MAP4: variants seen among roughly 807,000 people sequenced by gnomAD.
The protein encoded by MAP4 is microtubule associated protein 4.
MAP4 carries 76 observed loss-of-function variants against 170.2 expected under a neutral mutation model. The observed-to-expected ratio is 0.45, with a 90% confidence interval of 0.37 to 0.54. MAP4 has a LOEUF of 0.54. Among genes scored for constraint, MAP4 ranks in the 20% least tolerant of loss-of-function variants. The pLI is 0.00. For missense variants in MAP4, 2,506 were observed against 2,748.0 expected (o/e 0.91, Z 1.97); for synonymous variants, 909 against 994.5 (o/e 0.91, Z 1.62).
At chr3:48,034,810 C>T (rs1168216211) in intron 1 of MAP4, among the ~76,000 whole-genome samples, 2 of 151,906 alleles carry the variant, frequency 1.3e-5, no homozygotes, top group African/African-American at 4.8e-5. Context: ...TCCAGGAGTT[C>T]AAGACCAGCC....
chr3:48,018,099 G>A (rs983046128), upstream of MAP4, among the ~76,000 whole-genome samples: 10 of 152,178 alleles, frequency 6.6e-5, no homozygotes, highest in African/African-American at 1.9e-4. Flanking sequence ...CACACTTATC[G>A]CAAAGTTAAT....
intron 15 of MAP4, among the ~76,000 whole-genome samples, chr3:47,870,494 T>C (rs2089643406): frequency 6.6e-6 from 1 of 152,192 alleles, no homozygotes; most frequent in Admixed American, 6.5e-5. Flanking sequence ...TCTCTCTCAC[T>C]TGCAGAGTCT....
rs775670753 is a variant in MAP4 at position 47,918,846 on chromosome 3, T to C, written c.530-5A>G. 5 of 1,609,154 alleles carry C rather than the reference T, an allele frequency of 3.1e-6. No individual in the cohort carries two copies. Among genetic ancestry groups the C allele is most frequent in the South Asian group, 1.1e-5 (1 of 90,682 alleles). ...CTGTGTTGCAGGGAGACATACCTAA[T>C]ATTGAAACACAAACAAATACATTTT... On this transcript the variant is annotated splice_region_variant and splice_polypyrimidine_tract_variant and intron_variant, in intron 5 of 20. Coordinates refer to ENST00000683076, the MANE Select transcript of MAP4 (RefSeq NM_001385682.1).
At chr3:48,073,526 G>A (rs1330887496) in intron 1 of MAP4, among the ~76,000 whole-genome samples, 3 of 151,332 alleles carry the variant, frequency 2.0e-5, no homozygotes, top group African/African-American at 2.4e-5. Context: ...CAGGAGAATC[G>A]CTTGAACCCA....
intron 1 of MAP4, among the ~76,000 whole-genome samples, chr3:48,053,750 T>C (rs564156630): frequency 2.6e-4 from 40 of 152,282 alleles, no homozygotes; most frequent in Admixed American, 9.8e-4. Context: ...ATCTCCAGAA[T>C]GTGCACATTA....
At chr3:48,006,593 T>C (rs562047197) in intron 1 of MAP4, among the ~76,000 whole-genome samples, 2 of 152,242 alleles carry the variant, frequency 1.3e-5, no homozygotes, top group Admixed American at 6.5e-5. Flanking sequence ...AGGGCTATCA[T>C]GGTGGGAAAG....
intron 17 of MAP4, 104 bp downstream of exon 17, chr3:47,867,142 C>G (rs1304936319): frequency 6.4e-6 from 5 of 780,498 alleles, no homozygotes; most frequent in Non-Finnish European, 1.1e-5. Flanking sequence ...AACGCTACAG[C>G]TCAGGTCACT....
At chr3:48,033,412 G>C (rs2100117179) in intron 1 of MAP4, among the ~76,000 whole-genome samples, 1 of 152,064 alleles carries the variant, frequency 6.6e-6, no homozygotes, top group Non-Finnish European at 1.5e-5. Flanking sequence ...TGTGAAAGTT[G>C]AAGCCCTGGT....
chr3:47,954,869 A>G (rs2100066730), intron 3 of MAP4, among the ~76,000 whole-genome samples: 1 of 152,172 alleles, frequency 6.6e-6, no homozygotes, highest in Non-Finnish European at 1.5e-5. Flanking sequence ...GAACAGACAT[A>G]CTTGACTATT....
upstream of MAP4, among the ~76,000 whole-genome samples, chr3:48,020,005 T>C (rs1336738101): frequency 6.6e-6 from 1 of 152,242 alleles, no homozygotes; most frequent in East Asian, 1.9e-4. Context: ...CTGCCAATTC[T>C]ATAATTTTTG....
At chr3:47,906,038 C>G (rs986847210) in intron 9 of MAP4, among the ~76,000 whole-genome samples, 1 of 150,292 alleles carries the variant, frequency 6.7e-6, no homozygotes, top group African/African-American at 2.5e-5. Context: ...CACACAAAAT[C>G]TATGCCATGA....
intron 3 of MAP4, among the ~76,000 whole-genome samples, chr3:47,955,249 G>A (rs1160729153): frequency 2.6e-5 from 4 of 151,976 alleles, no homozygotes; most frequent in South Asian, 2.1e-4. Context: ...TTGGTATACT[G>A]CTATTAACCT....
Position 47,869,233 on chromosome 3 carries a change from T to C in MAP4, c.6389A>G (p.Gln2130Arg), listed in dbSNP as rs1194426336. 6.2e-7 allele frequency: 1 copy of C among 1,613,364 alleles called. No homozygotes were observed. The highest frequency in any genetic ancestry group is 1.7e-5 in the Admixed American group (1 of 60,016). Residue 2130 changes from glutamine to arginine, a missense_variant, in exon 16 of 21, where the codon CAG becomes CGG. Transcript: ENST00000683076. Reference protein sequence around the residue: ...TKTAGPIASAQKQPAGKVQIV... With the variant: ...TKTAGPIASARKQPAGKVQIV... ...ACTCACTTTCCCCGCAGGTTGTTTCTGTGCACTTGCAATTGGGCCGGCTGT... is the reference window on the plus strand; with the variant it reads ...ACTCACTTTCCCCGCAGGTTGTTTCCGTGCACTTGCAATTGGGCCGGCTGT...
chr3:48,040,547 GCGTGAGCCACCGCGC>G (rs1288582961), intron 1 of MAP4, among the ~76,000 whole-genome samples: 2 of 151,942 alleles, frequency 1.3e-5, no homozygotes, highest in Non-Finnish European at 2.9e-5. Context: ...GGGATTACAG[GCGTGAGCCACCGCGC>G]CCAGCCTATT....
intron 1 of MAP4, among the ~76,000 whole-genome samples, chr3:48,056,250 C>CGGGA (rs2100131435): frequency 9.1e-6 from 1 of 110,052 alleles, no homozygotes; most frequent in Non-Finnish European, 2.0e-5. Context: ...CCGTGCCGTC[C>CGGGA]GGGAGGGAGG....
intron 1 of MAP4, among the ~76,000 whole-genome samples, chr3:48,085,635 C>T (rs1188136943): frequency 6.6e-6 from 1 of 152,122 alleles, no homozygotes; most frequent in East Asian, 1.9e-4. Flanking sequence ...TTAAAATACC[C>T]GTAAGGCCAG....
At position 47,852,676 on chromosome 3, in the gene MAP4, C is replaced by T. The variant is rs2044873554; in HGVS notation, c.*258G>A. ...CAAGACCAAAGCAGGGAGATGGGCCCAGGCTGGGGAGTGAGAGGAGGTGTG... is the reference window on the plus strand; with the variant it reads ...CAAGACCAAAGCAGGGAGATGGGCCTAGGCTGGGGAGTGAGAGGAGGTGTG... On this transcript the variant is annotated 3_prime_UTR_variant, in exon 21 of 21. Coordinates refer to ENST00000683076, the MANE Select transcript of MAP4 (RefSeq NM_001385682.1). 3 of 1,375,332 alleles carry T rather than the reference C, an allele frequency of 2.2e-6. No individual in the cohort carries two copies. The highest frequency in any genetic ancestry group is 1.4e-5 in the South Asian group (1 of 71,014). The allele number at this position is 1,375,332 out of a possible 1,614,324, so 85.2% of individuals were successfully genotyped here.
At chr3:48,081,868 T>C (rs2100146835) in intron 1 of MAP4, among the ~76,000 whole-genome samples, 1 of 152,038 alleles carries the variant, frequency 6.6e-6, no homozygotes, top group Admixed American at 6.6e-5. Context: ...CCAGGACACC[T>C]TGGAGAAATG....
At chr3:48,014,029 G>A (rs746587000) in intron 1 of MAP4, among the ~76,000 whole-genome samples, 34 of 152,162 alleles carry the variant, frequency 2.2e-4, no homozygotes, top group Non-Finnish European at 2.1e-4. Context: ...TACATGGCAT[G>A]ATGATAAAAT....
Sources: allele counts gnomAD v4.1 joint callset (sites outside exome capture counted in the v4.1 genomes callset), GRCh38; gene constraint gnomAD v4.1.1; transcripts MANE v1.5; gene names NCBI Gene and HGNC (gene_info 2026-07-23, HGNC 2026-07-21).